Variants in SGCZ observed in about 807,000 individuals in gnomAD.
SGCZ encodes the protein zeta-sarcoglycan.
A neutral mutation model predicts 41.3 loss-of-function variants in SGCZ; 40 were observed. The ratio of observed to expected loss-of-function variants is 0.97; its 90% CI spans 0.75 to 1.26. The LOEUF (loss-of-function observed/expected upper bound fraction) is 1.26. Among genes scored for constraint, SGCZ ranks in the 50% most tolerant of loss-of-function variants. The pLI, the probability that SGCZ is intolerant of heterozygous loss-of-function variation, is 0.00. For synonymous variants in SGCZ, 206 were observed against 137.5 expected (o/e 1.50, Z -3.49); for missense variants, 552 against 369.8 (o/e 1.49, Z -4.04).
At chr8:14,548,148 T>C (rs1297600649) in intron 2 of SGCZ, among the ~76,000 whole-genome samples, 2 of 152,138 alleles carry the variant, frequency 1.3e-5, no homozygotes, top group African/African-American at 2.4e-5. Flanking sequence ...ACACCCACTC[T>C]ACAGAGGAAG....
At chr8:14,950,687 G>A (rs1267200811) in intron 1 of SGCZ, among the ~76,000 whole-genome samples, 1 of 152,070 alleles carries the variant, frequency 6.6e-6, no homozygotes, top group African/African-American at 2.4e-5. Flanking sequence ...TCATGTAGAA[G>A]CAAGATTTGA....
At chr8:14,490,078 G>A (rs1801800098) in intron 2 of SGCZ, among the ~76,000 whole-genome samples, 2 of 151,902 alleles carry the variant, frequency 1.3e-5, no homozygotes, top group Admixed American at 1.3e-4. Flanking sequence ...ATGTTGGTCA[G>A]GCTGGTCTCA....
intron 5 of SGCZ, among the ~76,000 whole-genome samples, chr8:14,108,481 A>C (rs1029247222): frequency 1.3e-5 from 2 of 152,178 alleles, no homozygotes; most frequent in African/African-American, 4.8e-5. Context: ...GGCAACAGGC[A>C]CTTCATACAT....
intron 1 of SGCZ, among the ~76,000 whole-genome samples, chr8:15,017,031 C>T (rs1161159200): frequency 6.6e-6 from 1 of 152,142 alleles, no homozygotes; most frequent in East Asian, 1.9e-4. Context: ...TAGACTCCAC[C>T]TTCAACAAGA....
At chr8:15,095,956 T>G (rs1806330263) in intron 1 of SGCZ, among the ~76,000 whole-genome samples, 1 of 152,192 alleles carries the variant, frequency 6.6e-6, no homozygotes. Flanking sequence ...TTCAAATTGA[T>G]GAACCCAGTT....
intron 3 of SGCZ, among the ~76,000 whole-genome samples, chr8:14,244,843 C>T (rs1799027622): frequency 6.6e-6 from 1 of 152,016 alleles, no homozygotes; most frequent in Admixed American, 6.6e-5. Flanking sequence ...GTATTTTATT[C>T]TCTTTGAAGC....
At chr8:14,240,461 T>A (rs1798840642) in intron 3 of SGCZ, among the ~76,000 whole-genome samples, 1 of 152,114 alleles carries the variant, frequency 6.6e-6, no homozygotes, top group Non-Finnish European at 1.5e-5. Context: ...TCTCTAGCAC[T>A]CTTCCCTTCT....
intron 1 of SGCZ, among the ~76,000 whole-genome samples, chr8:15,062,621 T>C (rs189481717): frequency 3.8e-4 from 58 of 152,290 alleles, no homozygotes; most frequent in Admixed American, 5.2e-4. Context: ...AAATAACATT[T>C]TGATTTAAAA....
chr8:14,152,188 A>G lies in SGCZ; in HGVS notation c.547+12392T>C, dbSNP rs537708758. Among the ~76,000 whole-genome samples the G allele has an allele frequency of 4.2e-4, 64 of 151,662 alleles. 2 individuals carry two copies. The South Asian group carries it at 0.012, about 28-fold the overall frequency. ...ATTTGCAAACTTATATATATATCCT[A>G]TAGAGGACTGTTACCTAGAATATGG... On this transcript the variant is annotated intron_variant, in intron 5 of 7. Transcript: ENST00000382080.
At chr8:14,485,815 T>G (rs185521998) in intron 2 of SGCZ, among the ~76,000 whole-genome samples, 92 of 151,078 alleles carry the variant, frequency 6.1e-4, no homozygotes, top group African/African-American at 2.2e-3. Flanking sequence ...TTAACTACTT[T>G]ATATTTTCTC....
chr8:15,165,135 CA>C (rs1421077199), intron 1 of SGCZ, among the ~76,000 whole-genome samples: 1 of 151,984 alleles, frequency 6.6e-6, no homozygotes, highest in Non-Finnish European at 1.5e-5. Context: ...AATAAAAATA[CA>C]AAAATTAGCC....
chr8:14,630,571 A>G (rs1055616331), intron 1 of SGCZ, among the ~76,000 whole-genome samples: 4 of 152,046 alleles, frequency 2.6e-5, no homozygotes, highest in East Asian at 1.9e-4. Context: ...ACACATGCAC[A>G]CGTATGTTTA....
chr8:14,119,512 G>A (rs1320292542), intron 5 of SGCZ, among the ~76,000 whole-genome samples: 1 of 152,130 alleles, frequency 6.6e-6, no homozygotes, highest in African/African-American at 2.4e-5. Flanking sequence ...TGCAAACAGA[G>A]ACAATTTCAC....
chr8:14,598,500 T>C (rs1030267265), intron 1 of SGCZ, among the ~76,000 whole-genome samples: 2 of 151,914 alleles, frequency 1.3e-5, no homozygotes, highest in African/African-American at 4.8e-5. Flanking sequence ...TCTATATATA[T>C]ACACAAACAC....
intron 1 of SGCZ, among the ~76,000 whole-genome samples, chr8:14,874,176 G>A (rs978037483): frequency 1.3e-5 from 2 of 152,094 alleles, no homozygotes; most frequent in South Asian, 4.1e-4. Flanking sequence ...AGAAAAGTAT[G>A]CTCTGTAATA....
intron 2 of SGCZ, among the ~76,000 whole-genome samples, chr8:14,428,099 TATACACACACACACAC>T (rs1202818925): frequency 4.4e-5 from 1 of 22,578 alleles, no homozygotes; most frequent in Admixed American, 3.0e-4. Flanking sequence ...AATGGTTGTA[TATACACACACACACAC>T]ACACACACAC....
intron 1 of SGCZ, among the ~76,000 whole-genome samples, chr8:14,761,859 A>G (rs1328730634): frequency 6.6e-6 from 1 of 152,048 alleles, no homozygotes; most frequent in Non-Finnish European, 1.5e-5. Context: ...TCTAATCTAG[A>G]TAAGTTTTGA....
rs200784221 is a variant in SGCZ, at chr8:14,430,735, G to A, written c.235-106531C>T. On this transcript the variant is annotated intron_variant, in intron 2 of 7. Transcript: ENST00000382080. ...GAAAGAAATAAAGGGCATCCAAATC[G>A]GAAAAGAGAAAGTCAAAATGTCGTT... 1.1e-4 allele frequency among the ~76,000 whole-genome samples: 17 copies of A among 152,140 alleles called. No individual in the cohort carries two copies. The East Asian group carries it at 1.7e-3, about 16-fold the overall frequency.
At chr8:14,383,956 T>G (rs934059257) in intron 2 of SGCZ, among the ~76,000 whole-genome samples, 1 of 151,918 alleles carries the variant, frequency 6.6e-6, no homozygotes, top group Admixed American at 6.6e-5. Context: ...AATTTTCTTT[T>G]TTTTCTTTTT....
Sources: allele counts gnomAD v4.1 joint callset (sites outside exome capture counted in the v4.1 genomes callset), GRCh38; gene constraint gnomAD v4.1.1; transcripts MANE v1.5; gene names NCBI Gene and HGNC (gene_info 2026-07-23, HGNC 2026-07-21).